The following SEPTIN9 variants were observed in gnomAD, a reference collection of about 807,000 sequenced individuals.
SEPTIN9 encodes septin 9.
In SEPTIN9, 13 loss-of-function variants were observed where a neutral mutation model predicts 56.6. The observed-to-expected ratio is 0.23, with a 90% CI of 0.15 to 0.37. The LOEUF is 0.37. Among genes scored for constraint, SEPTIN9 ranks in the 10% least tolerant of loss-of-function variants. The probability of loss-of-function intolerance (pLI) is 1.00; values close to 1 mark genes in which losing one functional copy is unlikely to be tolerated. For synonymous variants in SEPTIN9, 332 were observed against 334.1 expected (o/e 0.99, Z 0.07); for missense variants, 650 against 823.1 (o/e 0.79, Z 2.57).
In SEPTIN9 at chr17:77,298,747, T is replaced by C. The variant is rs977532154; in HGVS notation, c.20-8394T>C. Among the ~76,000 whole-genome samples, 7 of 152,348 alleles carry C rather than the reference T, an allele frequency of 4.6e-5. No homozygotes were observed. The East Asian group carries it at 1.3e-3, about 29-fold the overall frequency. On this transcript the variant is annotated intron_variant, in intron 1 of 11. Coordinates refer to ENST00000427177, the MANE Select transcript of SEPTIN9 (RefSeq NM_001113491.2). ...TTCTGCATCTCATTGCTTCCTGGCCTCTCTCACTTTGGGTGCTTTGGAACA... is the reference window on the plus strand; with the variant it reads ...TTCTGCATCTCATTGCTTCCTGGCCCCTCTCACTTTGGGTGCTTTGGAACA...
intron 3 of SEPTIN9, among the ~76,000 whole-genome samples, chr17:77,458,601 A>T (rs2038321231): frequency 6.6e-6 from 1 of 152,192 alleles, no homozygotes. Flanking sequence ...TTGAGGACAA[A>T]CGGGGATGAA....
chr17:77,373,011 C>T (rs1364827309), intron 2 of SEPTIN9, among the ~76,000 whole-genome samples: 2 of 152,156 alleles, frequency 1.3e-5, no homozygotes, highest in Non-Finnish European at 2.9e-5. Flanking sequence ...TGGGCGCCCG[C>T]CCTCCTCGCC....
At chr17:77,409,078 C>T (rs557899488) in intron 3 of SEPTIN9, among the ~76,000 whole-genome samples, 3 of 152,098 alleles carry the variant, frequency 2.0e-5, no homozygotes, top group Non-Finnish European at 4.4e-5. Context: ...ACGTTCCTGC[C>T]GGGATGCCTT....
chr17:77,495,610 C>T (rs891825517), intron 10 of SEPTIN9, among the ~76,000 whole-genome samples: 6 of 152,200 alleles, frequency 3.9e-5, no homozygotes, highest in Non-Finnish European at 8.8e-5. Context: ...GTAACTTGCC[C>T]GAGCCAGGGA....
chr17:77,414,033 C>G, intron 3 of SEPTIN9, among the ~76,000 whole-genome samples: 1 of 143,108 alleles, frequency 7.0e-6, no homozygotes, highest in Non-Finnish European at 1.5e-5. Context: ...TTTTAAACAG[C>G]TTTATTGAGA....
chr17:77,464,632 G>A (rs1282308730), intron 3 of SEPTIN9, among the ~76,000 whole-genome samples: 6 of 144,382 alleles, frequency 4.2e-5, no homozygotes, highest in South Asian at 2.2e-4. Flanking sequence ...ACGGAGTCTC[G>A]CTCTGTCGCC....
chr17:77,475,551 G>A lies in SEPTIN9; in HGVS notation c.722-6593G>A. The A allele has an allele frequency of 6.2e-7, 1 of 1,612,992 alleles. No individual in the cohort carries two copies. Among genetic ancestry groups the A allele is most frequent in the Non-Finnish European group, 8.5e-7 (1 of 1,179,770 alleles). On this transcript the variant is annotated intron_variant, in intron 3 of 11. Transcript: ENST00000427177. This position sits in a 1 kb window ranked among gnomAD's most constrained non-coding sequence, Gnocchi z 4.6. ...CAAGTTTCTGGGAAGGCCTGCAGGT[G>A]GCCGTAGGGCTGCCGCAGGGGTGCT...
At chr17:77,393,380 T>C (rs2035606359) in intron 2 of SEPTIN9, among the ~76,000 whole-genome samples, 1 of 152,132 alleles carries the variant, frequency 6.6e-6, no homozygotes, top group Admixed American at 6.5e-5. Flanking sequence ...GGAAAGGCTC[T>C]GGGTGGAGAC....
At chr17:77,316,704 C>CTTT (rs775155993) in intron 2 of SEPTIN9, among the ~76,000 whole-genome samples, 1 of 137,924 alleles carries the variant, frequency 7.3e-6, no homozygotes, top group Non-Finnish European at 1.6e-5. Context: ...TCTTCCTCTT[C>CTTT]TTTTTTTTTT....
At chr17:77,484,321 TGGTG>T (rs2039581954) in intron 4 of SEPTIN9, among the ~76,000 whole-genome samples, 1 of 69,156 alleles carries the variant, frequency 1.4e-5, no homozygotes, top group Admixed American at 1.2e-4. Flanking sequence ...GTGATTGTGA[TGGTG>T]GTGGTGGTGG....
chr17:77,422,599 C>T (rs897060288), intron 3 of SEPTIN9, among the ~76,000 whole-genome samples: 3 of 152,164 alleles, frequency 2.0e-5, no homozygotes. Context: ...CCCGCTTTCC[C>T]CAGGGAGCAC....
At chr17:77,348,811 C>T (rs529647948) in intron 2 of SEPTIN9, among the ~76,000 whole-genome samples, 117 of 152,340 alleles carry the variant, frequency 7.7e-4, no homozygotes, top group African/African-American at 2.4e-3. Flanking sequence ...TACATCCATA[C>T]ACATTGTAAA....
At chr17:77,322,440 C>T (rs931750387) in intron 2 of SEPTIN9, among the ~76,000 whole-genome samples, 13 of 152,212 alleles carry the variant, frequency 8.5e-5, no homozygotes, top group African/African-American at 7.2e-5. Context: ...TGTAAGAAAA[C>T]GTACATTTTT....
Position 77,434,177 on chromosome 17 carries a change from CCT to C in SEPTIN9, c.721+31475_721+31476del, listed in dbSNP as rs2037255173. Among the ~76,000 whole-genome samples, 1 of 152,174 alleles carries C rather than the reference CCT, an allele frequency of 6.6e-6. No homozygotes were observed. Among genetic ancestry groups the C allele is most frequent in the Admixed American group, 6.5e-5 (1 of 15,282 alleles). On this transcript the variant is annotated intron_variant, in intron 3 of 11. Transcript: ENST00000427177. The surrounding 1 kb of genome is among the most constrained non-coding windows in gnomAD (Gnocchi z 5.0). ...GCCCCTTCCCCTTTAATCTGGGCAACCTTGCTTTGGCCTGCTGTCTGCGGAAA... is the reference window on the plus strand; with the variant it reads ...GCCCCTTCCCCTTTAATCTGGGCAACTGCTTTGGCCTGCTGTCTGCGGAAA...
rs72887175 is a variant in SEPTIN9 at position 77,474,947 on chromosome 17, G to A, written c.722-7197G>A. On this transcript the variant is annotated intron_variant, in intron 3 of 11. Transcript: ENST00000427177. ...TTTGGGAGGCCAAGGTGGGAGGATC[G>A]CTTGAGGCCAGGAGTTTGAAACCAG... Among the ~76,000 whole-genome samples, 4,972 of 152,018 alleles carry A rather than the reference G, an allele frequency of 0.033. 140 individuals carry two copies. Among genetic ancestry groups the A allele is most frequent in the South Asian group, 0.1 (479 of 4,798 alleles).
chr17:77,332,925 G>A (rs955989716), intron 2 of SEPTIN9, among the ~76,000 whole-genome samples: 2 of 152,144 alleles, frequency 1.3e-5, no homozygotes, highest in Admixed American at 6.5e-5. Context: ...AACCTGTTAC[G>A]CTGGTTCTTC....
intron 2 of SEPTIN9, among the ~76,000 whole-genome samples, chr17:77,381,394 T>G (rs2035136984): frequency 6.6e-6 from 1 of 151,948 alleles, no homozygotes; most frequent in Middle Eastern, 3.4e-3. Flanking sequence ...AGGCAGGATC[T>G]CCTTCTGTCC....
At chr17:77,409,513 G>T (rs1392443327) in intron 3 of SEPTIN9, among the ~76,000 whole-genome samples, 2 of 152,188 alleles carry the variant, frequency 1.3e-5, no homozygotes. Context: ...TGCGGGGAAG[G>T]GTGGGGCCAG....
chr17:77,376,294 C>T, intron 2 of SEPTIN9: 1 of 986,010 alleles, frequency 1.0e-6, no homozygotes. Flanking sequence ...TGCAGCTGGT[C>T]CACGGGAAGC....
Sources: gnomAD v4.1 joint callset for allele counts (sites outside exome capture counted in the v4.1 genomes callset) on GRCh38, gnomAD v4.1.1 for gene constraint, Gnocchi (gnomAD v3.1) non-coding constraint, MANE v1.5 for transcripts, NCBI Gene and HGNC (gene_info 2026-07-23, HGNC 2026-07-21) for gene names.